Variants in WDR72 observed in about 807,000 individuals in gnomAD.
WDR72 encodes the protein WD repeat-containing protein 72.
Under a neutral mutation model 124.2 loss-of-function variants are expected in WDR72, and 120 were observed. The ratio of observed to expected loss-of-function variants is 0.97; its 90% CI spans 0.83 to 1.12. WDR72 has a LOEUF of 1.12. Ranked by LOEUF, WDR72 falls within the 50% of genes most tolerant of loss-of-function variation. The probability of loss-of-function intolerance (pLI) is 0.00; values close to 1 mark genes in which losing one functional copy is unlikely to be tolerated. For missense variants in WDR72, 1,387 were observed against 1,278.8 expected, an observed-to-expected ratio of 1.08 and a Z score of -1.29; for synonymous variants, 452 against 441.7, an observed-to-expected ratio of 1.02 and a Z score of -0.29.
chr15:53,704,204 C>T (rs868402027), intron 11 of WDR72, among the ~76,000 whole-genome samples: 1 of 152,094 alleles, frequency 6.6e-6, no homozygotes, highest in South Asian at 2.1e-4. Context: ...AACCTACATG[C>T]CAATTAATAG....
intron 13 of WDR72, among the ~76,000 whole-genome samples, chr15:53,693,248 A>G (rs1220413485): frequency 6.6e-6 from 1 of 152,200 alleles, no homozygotes; most frequent in Non-Finnish European, 1.5e-5. Flanking sequence ...GTCTACCATA[A>G]AAGAAGGTGA....
chr15:53,727,319 C>T (rs1645867444), intron 2 of WDR72, among the ~76,000 whole-genome samples: 1 of 151,368 alleles, frequency 6.6e-6, no homozygotes. Flanking sequence ...GAATTAATAT[C>T]TATTATGTTT....
chr15:53,689,229 CT>C lies in WDR72; in HGVS notation c.1765+10520del, dbSNP rs1432736795. On this transcript the variant is annotated intron_variant, in intron 13 of 19. Coordinates refer to ENST00000360509, the MANE Select transcript of WDR72 (RefSeq NM_182758.4). The stretch of plus-strand genomic sequence containing the variant: ...AATTGACAAATGGGATCTAATTAAA[CT>C]AAAGAGCTTCTGCACAGCAAAAGAA... Among the ~76,000 whole-genome samples the C allele has an allele frequency of 9.2e-5, 14 of 151,816 alleles. No homozygotes were observed. In the South Asian group the frequency reaches 2.9e-3, roughly 32 times the overall value.
intron 13 of WDR72, among the ~76,000 whole-genome samples, chr15:53,670,078 G>C (rs955903195): frequency 1.3e-5 from 2 of 152,044 alleles, no homozygotes; most frequent in Non-Finnish European, 2.9e-5. Context: ...TTCAAAGTAG[G>C]TGTGCAAAAA....
intron 14 of WDR72, among the ~76,000 whole-genome samples, chr15:53,654,722 T>C (rs1454508991): frequency 6.6e-6 from 1 of 152,210 alleles, no homozygotes. Flanking sequence ...TTAAATCAGA[T>C]GTATATTGAG....
intron 13 of WDR72, among the ~76,000 whole-genome samples, chr15:53,695,775 A>G (rs545389538): frequency 1.3e-5 from 2 of 152,310 alleles, no homozygotes; most frequent in South Asian, 4.1e-4. Context: ...TTATCAGTCC[A>G]AGATAAAATA....
intron 14 of WDR72, among the ~76,000 whole-genome samples, chr15:53,618,725 G>A (rs1207285027): frequency 2.6e-5 from 4 of 151,936 alleles, no homozygotes; most frequent in African/African-American, 9.7e-5. Context: ...CCACTGCCTC[G>A]CTGTGATTCT....
intron 18 of WDR72, among the ~76,000 whole-genome samples, chr15:53,593,374 G>T (rs2012604166): frequency 1.3e-5 from 2 of 152,062 alleles, no homozygotes; most frequent in African/African-American, 4.8e-5. Context: ...ATCTAGGTTT[G>T]CTTCCCTGTT....
intron 18 of WDR72, among the ~76,000 whole-genome samples, chr15:53,550,715 C>T (rs536244489): frequency 6.6e-5 from 10 of 152,236 alleles, no homozygotes; most frequent in African/African-American, 2.4e-4. Context: ...AATAGGCCTT[C>T]ACTTTAACTG....
chr15:53,577,231 T>G (rs950319885), intron 18 of WDR72, among the ~76,000 whole-genome samples: 1 of 152,192 alleles, frequency 6.6e-6, no homozygotes. Flanking sequence ...TTAAGGGAAT[T>G]TGATTGCAAA....
intron 14 of WDR72, among the ~76,000 whole-genome samples, chr15:53,662,104 T>G (rs929714227): frequency 4.6e-5 from 7 of 152,182 alleles, no homozygotes; most frequent in African/African-American, 1.7e-4. Context: ...TGGTTATTTA[T>G]TCCCTACTTT....
intron 14 of WDR72, among the ~76,000 whole-genome samples, chr15:53,637,657 G>C (rs940849605): frequency 1.3e-5 from 2 of 152,070 alleles, no homozygotes; most frequent in Non-Finnish European, 2.9e-5. Context: ...CCAAGTGTGT[G>C]CTTTTCCCTG....
chr15:53,675,713 C>A (rs2016149085), intron 13 of WDR72, among the ~76,000 whole-genome samples: 1 of 152,062 alleles, frequency 6.6e-6, no homozygotes, highest in Non-Finnish European at 1.5e-5. Context: ...CATTTATATG[C>A]TTCTGGTGTC....
intron 18 of WDR72, among the ~76,000 whole-genome samples, chr15:53,588,017 C>T (rs1014367762): frequency 6.6e-6 from 1 of 152,102 alleles, no homozygotes; most frequent in Non-Finnish European, 1.5e-5. Context: ...AGATATATTG[C>T]TCTTGAACAA....
intron 17 of WDR72, among the ~76,000 whole-genome samples, chr15:53,609,117 A>T (rs969899538): frequency 6.6e-6 from 1 of 152,116 alleles, no homozygotes; most frequent in Admixed American, 6.6e-5. Context: ...ATACCCCATA[A>T]ATATATATGA....
intron 12 of WDR72, among the ~76,000 whole-genome samples, chr15:53,700,923 T>C (rs962688514): frequency 6.6e-6 from 1 of 152,124 alleles, no homozygotes; most frequent in Non-Finnish European, 1.5e-5. Flanking sequence ...TCCAGGAAAC[T>C]TACATACATA....
Position 53,523,296 on chromosome 15 carries a change from T to C in WDR72, c.3175A>G (p.Ser1059Gly). The part of the protein sequence containing the change: ...QTPVSPVKHD[S>G]NSNSANFQDV... ...TGGAAGTTTGCCGAGTTTGAGTTGCTGTCATGCTTGACCGGGCTGACTGGA... is the reference window on the plus strand; with the variant it reads ...TGGAAGTTTGCCGAGTTTGAGTTGCCGTCATGCTTGACCGGGCTGACTGGA... Residue 1059 changes from serine to glycine, a missense_variant, in exon 19 of 20, where the codon AGC becomes GGC. Physicochemically the swap from Ser to Gly is moderately conservative, Grantham distance 56. Coordinates refer to ENST00000360509, the MANE Select transcript of WDR72 (RefSeq NM_182758.4). The C allele has an allele frequency of 6.2e-7, 1 of 1,612,856 alleles. No individual in the cohort carries two copies.
intron 13 of WDR72, among the ~76,000 whole-genome samples, chr15:53,686,804 C>G (rs1204206597): frequency 4.0e-5 from 6 of 150,484 alleles, no homozygotes; most frequent in East Asian, 2.0e-4. Flanking sequence ...TGACCACATA[C>G]TTGGAAGTAA....
At chr15:53,714,900 A>T (rs532705515) in intron 5 of WDR72, among the ~76,000 whole-genome samples, 42 of 152,292 alleles carry the variant, frequency 2.8e-4, no homozygotes, top group Admixed American at 2.7e-3. Context: ...GCTAATCCAC[A>T]ACAAAACCTG....
Sources: allele counts gnomAD v4.1 joint callset (sites outside exome capture counted in the v4.1 genomes callset), GRCh38; gene constraint gnomAD v4.1.1; transcripts MANE v1.5; gene names NCBI Gene and HGNC (gene_info 2026-07-23, HGNC 2026-07-21).